Variants in MRPL49 observed in about 807,000 individuals in gnomAD.
MRPL49 encodes large ribosomal subunit protein mL49.
In MRPL49, 14 loss-of-function variants were observed where a neutral mutation model predicts 18.4. The observed-to-expected ratio is 0.76, with a 90% CI of 0.50 to 1.19. MRPL49 has a LOEUF of 1.19. Among genes scored for constraint, MRPL49 ranks in the 50% most tolerant of loss-of-function variants. The pLI, the probability that MRPL49 is intolerant of heterozygous loss-of-function variation, is 0.00. For missense variants in MRPL49, 190 were observed against 217.8 expected (o/e 0.87, Z 0.80); for synonymous variants, 104 against 86.2 (o/e 1.21, Z -1.14).
rs960298883 is a variant in MRPL49 at position 65,126,726 on chromosome 11, C to T, written c.*854C>T. ...CTGGCACTGGGGCACAGAGTGCCCA[C>T]GTTAGCCCCGGGCTCTGATAGAGAG... is the stretch of plus-strand genomic sequence containing the variant. On this transcript the variant is annotated 3_prime_UTR_variant, in exon 4 of 4. Coordinates refer to ENST00000279242, the MANE Select transcript of MRPL49 (RefSeq NM_004927.4). 6 of 451,970 alleles carry T rather than the reference C, an allele frequency of 1.3e-5. No homozygotes were observed. Among genetic ancestry groups the T allele is most frequent in the African/African-American group, 2.0e-5 (1 of 50,524 alleles). 28.0% of individuals were successfully genotyped at this position (451,970 alleles called of 1,614,324 possible).
rs768320019 is a variant in MRPL49, at chr11:65,125,765, C to G, written c.394C>G (p.Leu132Val). 2.5e-6 allele frequency: 4 copies of G among 1,613,550 alleles called. No homozygotes were observed. Among genetic ancestry groups the G allele is most frequent in the Non-Finnish European group, 3.4e-6 (4 of 1,180,010 alleles). The change falls in exon 4 of 4, where the codon CTG (leucine) becomes GTG (valine). Residue 132 changes from leucine (L) to valine (V), a missense_variant. By Grantham distance (32) the Leu-to-Val change is conservative (BLOSUM62 1). Transcript: ENST00000279242. ...KDVEDFLSPLLGKTPVTQVNE... is the reference protein window; with the variant it reads ...KDVEDFLSPLVGKTPVTQVNE... Reference sequence around the variant, plus strand: ...CGTGGAAGATTTTCTGAGCCCGCTGCTGGGGAAGACACCTGTCACCCAGGT... The same window carrying G: ...CGTGGAAGATTTTCTGAGCCCGCTGGTGGGGAAGACACCTGTCACCCAGGT...
intron 1 of MRPL49, among the ~76,000 whole-genome samples, chr11:65,124,089 T>A (rs1038458284): frequency 6.6e-6 from 1 of 152,168 alleles, no homozygotes; most frequent in Non-Finnish European, 1.5e-5. Context: ...GGTTTCGCCA[T>A]GTTGGCCAGG....
chr11:65,125,363 A>T, intron 2 of MRPL49, 125 bp from the exon 3 acceptor site: 6 of 1,266,794 alleles, frequency 4.7e-6, no homozygotes, highest in Non-Finnish European at 5.5e-6. Context: ...CCCCTGACCT[A>T]AAGTCTGGAG....
chr11:65,125,575 A>T lies in MRPL49; in HGVS notation c.317A>T (p.Gln106Leu), dbSNP rs1405523971. The T allele has an allele frequency of 6.3e-7, 1 of 1,594,454 alleles. No individual in the cohort carries two copies. Among genetic ancestry groups the T allele is most frequent in the South Asian group, 1.1e-5 (1 of 90,458 alleles). ...AAGGACATCACGCATGGCAACCGGC[A>T]GATGACTGTGATCCGGAAAGTGGAA... The part of the protein sequence containing the change: ...VYKDITHGNR[Q>L]MTVIRKVEGD... Residue 106 changes from glutamine (Q) to leucine (L), a missense_variant, in exon 3 of 4, where the codon CAG becomes CTG. Transcript: ENST00000279242.
chr11:65,125,598 G>A lies in MRPL49; in HGVS notation c.340G>A (p.Glu114Lys). The A allele has an allele frequency of 2.6e-6, 4 of 1,541,870 alleles. No homozygotes were observed. Among genetic ancestry groups the A allele is most frequent in the East Asian group, 2.3e-5 (1 of 43,160 alleles). The change falls in exon 3 of 4, where the codon GAA becomes AAA. Residue 114 changes from glutamate (E) to lysine (K), a missense_variant. Transcript: ENST00000279242. ...NRQMTVIRKVEGDIWALQKDV... is the reference protein window; with the variant it reads ...NRQMTVIRKVKGDIWALQKDV... Reference sequence around the variant, plus strand: ...GCAGATGACTGTGATCCGGAAAGTGGAAGGGGACATCTGGGTAAGTGGGTG... The same window carrying A: ...GCAGATGACTGTGATCCGGAAAGTGAAAGGGGACATCTGGGTAAGTGGGTG...
At chr11:65,123,729 A>G (rs1051600587) in intron 1 of MRPL49, among the ~76,000 whole-genome samples, 6 of 152,162 alleles carry the variant, frequency 3.9e-5, no homozygotes, top group African/African-American at 9.6e-5. Context: ...GTGAGACTCT[A>G]TCTAAAAAAA....
chr11:65,125,672 G>A (rs1172433046), intron 3 of MRPL49, 54 bp from the exon 4 acceptor site: 2 of 1,612,010 alleles, frequency 1.2e-6, no homozygotes, highest in Non-Finnish European at 1.7e-6. Flanking sequence ...AGGGACAGGA[G>A]TCTTTTTAAG....
Position 65,122,765 on chromosome 11 carries a change from G to C in MRPL49, c.78+341G>C, listed in dbSNP as rs9333577. ...GACGGAGTCTCGCTCTGTCGCCCAG[G>C]CTGGAGGGCAGTGGCGCGATCTCGG... On this transcript the variant is annotated intron_variant, in intron 1 of 3. Transcript: ENST00000279242. 5.4e-3 allele frequency among the ~76,000 whole-genome samples: 820 copies of C among 150,478 alleles called. 3 individuals are homozygous for C. Among genetic ancestry groups the C allele is most frequent in the Non-Finnish European group, 9.1e-3 (614 of 67,664 alleles).
chr11:65,124,858 T>C (rs1277391738), intron 2 of MRPL49: 1 of 533,072 alleles, frequency 1.9e-6, no homozygotes, highest in East Asian at 3.2e-5. Context: ...ATCCACACTA[T>C]TGAGATCAGG....
At chr11:65,125,040 C>T in intron 2 of MRPL49, 1 of 262,916 alleles carries the variant, frequency 3.8e-6, no homozygotes, top group Non-Finnish European at 7.2e-6. Context: ...AGTCACTTAG[C>T]TTGACCCAAC....
In MRPL49 at chr11:65,122,577, C is replaced by G. The variant is rs1037442290; in HGVS notation, c.78+153C>G. 2.1e-5 allele frequency: 14 copies of G among 677,988 alleles called. 1 individual carries two copies. The highest frequency in any genetic ancestry group is 9.0e-5 in the African/African-American group (5 of 55,548). The allele number at this position is 677,988 out of a possible 1,614,324, so 42.0% of individuals were successfully genotyped here. ...CTTGTCCCGAGTGTACATATAGAAT[C>G]GAGAGGGAAAATGGTAGACTGGGGT... On this transcript the variant is annotated intron_variant, in intron 1 of 3. Coordinates refer to ENST00000279242, the MANE Select transcript of MRPL49 (RefSeq NM_004927.4).
intron 1 of MRPL49, among the ~76,000 whole-genome samples, chr11:65,123,407 C>T (rs1948072080): frequency 6.6e-6 from 1 of 152,156 alleles, no homozygotes; most frequent in South Asian, 2.1e-4. Flanking sequence ...AGACTATGTG[C>T]TTATCAGGGA....
chr11:65,125,811 T>G lies in MRPL49; in HGVS notation c.440T>G (p.Leu147Arg). Residue 147 changes from leucine to arginine, a missense_variant, in exon 4 of 4, where the codon CTA becomes CGA. Physicochemically the swap from Leu to Arg is moderately radical, Grantham distance 102. Transcript: ENST00000279242. ...VTQVNEVTGT[L>R]RIKGYFDQEL... Reference sequence around the variant, plus strand: ...CAGGTCAATGAGGTGACAGGTACCCTACGGATCAAGGGCTACTTTGACCAG... The same window carrying G: ...CAGGTCAATGAGGTGACAGGTACCCGACGGATCAAGGGCTACTTTGACCAG... The G allele has an allele frequency of 6.2e-7, 1 of 1,612,694 alleles. No homozygotes were observed. The highest frequency in any genetic ancestry group is 8.5e-7 in the Non-Finnish European group (1 of 1,179,850).
upstream of MRPL49, chr11:65,122,288 C>G: frequency 6.3e-7 from 1 of 1,581,820 alleles, no homozygotes; most frequent in Admixed American, 1.7e-5. Flanking sequence ...AGGCAGCTCG[C>G]GCAGGACGGG....
In MRPL49 at chr11:65,122,397, C is replaced by T; in HGVS notation, c.51C>T (p.Val17=). 6.2e-7 allele frequency: 1 copy of T among 1,613,198 alleles called. No homozygotes were observed. The highest frequency in any genetic ancestry group is 8.5e-7 in the Non-Finnish European group (1 of 1,179,674). ...CGCTGCGGGGATGGAGAACCGGTGTCCAGCGGGGCTGCGGGCTACGGCTGT... is the reference window on the plus strand; with the variant it reads ...CGCTGCGGGGATGGAGAACCGGTGTTCAGCGGGGCTGCGGGCTACGGCTGT... ...RATLRGWRTG[V]QRGCGLRLLS... is the part of the protein sequence containing the mutation. The change falls in exon 1 of 4, where the codon GTC becomes GTT. Residue 17 remains valine, a synonymous_variant. Transcript: ENST00000279242.
At position 65,126,021 on chromosome 11, in the gene MRPL49, A is replaced by G. The variant is rs1948097666; in HGVS notation, c.*149A>G. ...TTGGGGTCAGGCCTTGCTTGCATAA[A>G]GGAGAAAACAACTCTATGTACATGC... On this transcript the variant is annotated 3_prime_UTR_variant, in exon 4 of 4. Transcript: ENST00000279242. 2 of 869,828 alleles carry G rather than the reference A, an allele frequency of 2.3e-6. No homozygotes were observed. The highest frequency in any genetic ancestry group is 3.6e-4 in the Middle Eastern group (1 of 2,744). The allele number at this position is 869,828 out of a possible 1,614,324, so 53.9% of individuals were successfully genotyped here. A position where few individuals can be genotyped will look rare whatever the true frequency, so the allele number is the denominator to read the frequency against.
chr11:65,122,394 T>G lies in MRPL49; in HGVS notation c.48T>G (p.Gly16=), dbSNP rs1190549491. The change falls in exon 1 of 4, where the codon GGT becomes GGG. Residue 16 remains glycine, a synonymous_variant. Coordinates refer to ENST00000279242, the MANE Select transcript of MRPL49 (RefSeq NM_004927.4). The part of the protein sequence containing the change: ...FRATLRGWRT[G]VQRGCGLRLL... Reference sequence around the variant, plus strand: ...CTACGCTGCGGGGATGGAGAACCGGTGTCCAGCGGGGCTGCGGGCTACGGC... The same window carrying G: ...CTACGCTGCGGGGATGGAGAACCGGGGTCCAGCGGGGCTGCGGGCTACGGC... 1.2e-6 allele frequency: 2 copies of G among 1,613,212 alleles called. No homozygotes were observed. Among genetic ancestry groups the G allele is most frequent in the Non-Finnish European group, 1.7e-6 (2 of 1,179,676 alleles).
At chr11:65,124,425 C>T (rs1948080994) in intron 1 of MRPL49, 77 bp from the exon 2 acceptor site, 1 of 1,379,152 alleles carries the variant, frequency 7.3e-7, no homozygotes, top group Non-Finnish European at 1.0e-6. Context: ...GTAATGTTTC[C>T]ATTCTCTACT....
chr11:65,122,720 C>CTTTTTT (rs11445335), intron 1 of MRPL49, among the ~76,000 whole-genome samples: 1 of 130,868 alleles, frequency 7.6e-6, no homozygotes, highest in Non-Finnish European at 1.6e-5. Context: ...TGCCTTAATT[C>CTTTTTT]TTTTTTTTTT....
Sources: allele counts gnomAD v4.1 joint callset (sites outside exome capture counted in the v4.1 genomes callset), GRCh38; gene constraint gnomAD v4.1.1; transcripts MANE v1.5; gene names NCBI Gene and HGNC (gene_info 2026-07-23, HGNC 2026-07-21).